Variants in SYNDIG1L observed in about 807,000 individuals in gnomAD.
The protein encoded by SYNDIG1L is synapse differentiation inducing 1 like, also known as synapse differentiation-inducing gene protein 1-like.
SYNDIG1L carries 13 observed loss-of-function variants against 20.1 expected under a neutral mutation model. The ratio of observed to expected loss-of-function variants is 0.65; its 90% CI spans 0.42 to 1.03. The LOEUF (loss-of-function observed/expected upper bound fraction) is 1.03, where lower values mean the gene tolerates loss of function less well. Ranked by LOEUF, SYNDIG1L falls within the 50% of genes least tolerant of loss-of-function variation. The probability of loss-of-function intolerance (pLI) is 0.00; values close to 1 mark genes in which losing one functional copy is unlikely to be tolerated. For synonymous variants in SYNDIG1L, 128 were observed against 129.3 expected (o/e 0.99, Z 0.07); for missense variants, 294 against 305.1 (o/e 0.96, Z 0.27).
chr14:74,417,843 C>G (rs896875640), intron 1 of SYNDIG1L, among the ~76,000 whole-genome samples: 1 of 151,978 alleles, frequency 6.6e-6, no homozygotes, highest in Non-Finnish European at 1.5e-5. Flanking sequence ...GAAATGGGAG[C>G]GTTAAAAAAA....
the SYNDIG1L span, among the ~76,000 whole-genome samples, chr14:74,435,621 T>C: frequency 9.2e-5 from 14 of 152,330 alleles, no homozygotes; most frequent in African/African-American, 1.7e-4. Context: ...GTAATATGCA[T>C]TGGGGTAGGT....
chr14:74,416,649 CCAAA>C (rs113071824), intron 1 of SYNDIG1L, among the ~76,000 whole-genome samples: 81 of 150,764 alleles, frequency 5.4e-4, no homozygotes, highest in African/African-American at 1.2e-3. Flanking sequence ...CAAAAACAAA[CCAAA>C]CAAACAAACA....
upstream of SYNDIG1L, among the ~76,000 whole-genome samples, chr14:74,429,264 C>T (rs181571099): frequency 2.9e-3 from 435 of 152,260 alleles, 1 homozygote; most frequent in East Asian, 6.2e-3. Context: ...TGGCTGAAAA[C>T]CTGGGAGGGG....
At chr14:74,452,844 T>C in the SYNDIG1L span, among the ~76,000 whole-genome samples, 7 of 152,160 alleles carry the variant, frequency 4.6e-5, no homozygotes, top group African/African-American at 7.2e-5. Context: ...TATTCATCAA[T>C]TGATAGATGG....
chr14:74,425,996 G>T lies in SYNDIG1L; in HGVS notation c.-142C>A. 1 of 152,750 alleles carries T rather than the reference G, an allele frequency of 6.5e-6. No homozygotes were observed. Among genetic ancestry groups the T allele is most frequent in the South Asian group, 1.8e-4 (1 of 5,546 alleles). The allele number at this position is 152,750 out of a possible 1,614,324, so 9.5% of individuals were successfully genotyped here. A position where few individuals can be genotyped will look rare whatever the true frequency, so the allele number is the denominator to read the frequency against. Reference sequence around the variant, plus strand: ...GTGAGCGACGGCGCCCCCGCCTCGCGGTCGCGGTGGAACTCCCAGGAGGGC... The same window carrying T: ...GTGAGCGACGGCGCCCCCGCCTCGCTGTCGCGGTGGAACTCCCAGGAGGGC... On this transcript the variant is annotated 5_prime_UTR_variant, in exon 1 of 4. Coordinates refer to ENST00000331628, the MANE Select transcript of SYNDIG1L (RefSeq NM_001105579.2).
At chr14:74,440,557 C>T in the SYNDIG1L span, among the ~76,000 whole-genome samples, 1 of 137,346 alleles carries the variant, frequency 7.3e-6, no homozygotes, top group Admixed American at 7.4e-5. Flanking sequence ...TGGTGGCAGG[C>T]GCCTGTAGTC....
At chr14:74,451,847 G>A in the SYNDIG1L span, among the ~76,000 whole-genome samples, 1 of 151,794 alleles carries the variant, frequency 6.6e-6, no homozygotes, top group African/African-American at 2.4e-5. Flanking sequence ...AAAATTAGCT[G>A]GGTGTGGTGG....
the SYNDIG1L span, among the ~76,000 whole-genome samples, chr14:74,451,835 C>CA: frequency 6.6e-6 from 1 of 151,778 alleles, no homozygotes; most frequent in African/African-American, 2.4e-5. Context: ...ACTAAAAATA[C>CA]AAAAATTAGC....
chr14:74,425,863 C>T (rs1042720926), intron 1 of SYNDIG1L, 49 bp downstream of exon 1: 11 of 152,356 alleles, frequency 7.2e-5, no homozygotes, highest in Non-Finnish European at 1.5e-4. Context: ...TCACTCCCCG[C>T]TCCGTGCCTA....
chr14:74,449,626 A>AAAAG, the SYNDIG1L span, among the ~76,000 whole-genome samples: 21 of 151,006 alleles, frequency 1.4e-4, no homozygotes, highest in African/African-American at 5.1e-4. Context: ...AAAAAAAAGA[A>AAAAG]AAAAGAAAAA....
At chr14:74,440,432 T>A in the SYNDIG1L span, among the ~76,000 whole-genome samples, 95 of 149,808 alleles carry the variant, frequency 6.3e-4, no homozygotes, top group Non-Finnish European at 1.2e-3. Context: ...GAGAATGGCG[T>A]GAACCCGGGG....
At chr14:74,465,346 C>T in the SYNDIG1L span, among the ~76,000 whole-genome samples, 1 of 152,180 alleles carries the variant, frequency 6.6e-6, no homozygotes, top group Non-Finnish European at 1.5e-5. Context: ...GCTTTCATGC[C>T]GATTGCACAT....
chr14:74,409,519 T>C lies in SYNDIG1L; in HGVS notation c.226A>G (p.Arg76Gly). 1 of 1,599,168 alleles carries C rather than the reference T, an allele frequency of 6.3e-7. No individual in the cohort carries two copies. The highest frequency in any genetic ancestry group is 8.5e-7 in the Non-Finnish European group (1 of 1,173,012). ...AWYRPSCLLG[R>G]DKVKEPRAGS... Reference sequence around the variant, plus strand: ...GCCCTGGGCTCCTTGACCTTGTCTCTCCCCAGGAGGCAGCTGGGCCGGTAC... The same window carrying C: ...GCCCTGGGCTCCTTGACCTTGTCTCCCCCCAGGAGGCAGCTGGGCCGGTAC... The change falls in exon 2 of 4, where the codon AGA becomes GGA. Residue 76 changes from arginine (R) to glycine (G), a missense_variant. Transcript: ENST00000331628.
At chr14:74,424,568 A>G (rs1041718720) in intron 1 of SYNDIG1L, among the ~76,000 whole-genome samples, 1 of 152,130 alleles carries the variant, frequency 6.6e-6, no homozygotes, top group Non-Finnish European at 1.5e-5. Context: ...ATTATCTCCT[A>G]TAGGTGATGA....
intron 1 of SYNDIG1L, among the ~76,000 whole-genome samples, chr14:74,416,101 C>A (rs1204859483): frequency 1.3e-5 from 2 of 149,388 alleles, no homozygotes; most frequent in African/African-American, 5.1e-5. Flanking sequence ...TAGAAAGGGG[C>A]CTGAGGACTT....
the SYNDIG1L span, among the ~76,000 whole-genome samples, chr14:74,455,758 C>A: frequency 6.6e-6 from 1 of 152,088 alleles, no homozygotes; most frequent in African/African-American, 2.4e-5. Flanking sequence ...AGCCTTCCTG[C>A]TCACTCTTCA....
chr14:74,476,204 C>T, the SYNDIG1L span: 1 of 566,362 alleles, frequency 1.8e-6, no homozygotes, highest in African/African-American at 1.9e-5. Flanking sequence ...GTGTAGTGGG[C>T]AGAGCAATGC....
chr14:74,475,888 C>T, the SYNDIG1L span, among the ~76,000 whole-genome samples: 3 of 152,190 alleles, frequency 2.0e-5, no homozygotes, highest in Non-Finnish European at 4.4e-5. Flanking sequence ...TTCCTTTCAG[C>T]GTCTCAATGC....
the SYNDIG1L span, among the ~76,000 whole-genome samples, chr14:74,470,927 C>T: frequency 6.6e-6 from 1 of 152,158 alleles, no homozygotes; most frequent in East Asian, 1.9e-4. Context: ...CTCAGGGGTT[C>T]CCTGGGCCGG....
Sources: allele counts gnomAD v4.1 joint callset (sites outside exome capture counted in the v4.1 genomes callset), GRCh38; gene constraint gnomAD v4.1.1; transcripts MANE v1.5; gene names NCBI Gene and HGNC (gene_info 2026-07-23, HGNC 2026-07-21).